The following SCN8A variants were observed in gnomAD, a reference collection of about 807,000 sequenced individuals.
SCN8A encodes sodium voltage-gated channel alpha subunit 8.
A neutral mutation model predicts 184.1 loss-of-function variants in SCN8A; 30 were observed. That is an observed-to-expected ratio of 0.16 (90% confidence interval 0.12 to 0.22). SCN8A has a LOEUF of 0.22. Ranked by LOEUF, SCN8A falls within the 10% of genes least tolerant of loss-of-function variation. The pLI is 1.00. For missense variants in SCN8A, 1,057 were observed against 2,498.9 expected, an observed-to-expected ratio of 0.42 and a Z score of 12.30; for synonymous variants, 852 against 907.0, an observed-to-expected ratio of 0.94 and a Z score of 1.09.
At chr12:51,796,205 T>C (rs1257452749) in intron 26 of SCN8A, among the ~76,000 whole-genome samples, 1 of 152,170 alleles carries the variant, frequency 6.6e-6, no homozygotes, top group Non-Finnish European at 1.5e-5. Flanking sequence ...TATAATCCTC[T>C]CAACAAACCT....
rs1164147352 is a variant in SCN8A, at chr12:51,707,692, A to G, written c.1635+977A>G. ...CTTCAGTCCAACCAAGTTGACATGC[A>G]GTATTAACTATCACATTGGATTATA... On this transcript the variant is annotated intron_variant, in intron 11 of 26. Transcript: ENST00000627620. 3.3e-5 allele frequency among the ~76,000 whole-genome samples: 5 copies of G among 152,220 alleles called. No homozygotes were observed. The East Asian group carries it at 9.6e-4, about 29-fold the overall frequency.
rs56704178 is a variant in SCN8A at position 51,631,248 on chromosome 12, C to T, written c.-54-31516C>T. 6.9e-3 allele frequency among the ~76,000 whole-genome samples: 1,053 copies of T among 152,280 alleles called. 12 individuals carry two copies. Among genetic ancestry groups the T allele is most frequent in the African/African-American group, 0.024 (982 of 41,566 alleles). ...ACAGGGGTCATTGCTCAGAGGCTGGCTTCCTCCCTGCTGGGAGCAGGTGGT... is the reference window on the plus strand; with the variant it reads ...ACAGGGGTCATTGCTCAGAGGCTGGTTTCCTCCCTGCTGGGAGCAGGTGGT... On this transcript the variant is annotated intron_variant, in intron 1 of 26. Coordinates refer to ENST00000627620, the MANE Select transcript of SCN8A (RefSeq NM_001330260.2).
intron 12 of SCN8A, among the ~76,000 whole-genome samples, chr12:51,739,337 G>C (rs1187545130): frequency 6.6e-6 from 1 of 152,064 alleles, no homozygotes; most frequent in Non-Finnish European, 1.5e-5. Context: ...GCCGTCACTC[G>C]AGGTGCCGCT....
intron 25 of SCN8A, among the ~76,000 whole-genome samples, chr12:51,793,272 G>A (rs564128249): frequency 2.0e-5 from 3 of 152,216 alleles, no homozygotes; most frequent in Admixed American, 6.5e-5. Flanking sequence ...ATCAGATGAG[G>A]GAGAAGAAAG....
intron 12 of SCN8A, among the ~76,000 whole-genome samples, chr12:51,725,640 G>A (rs770872583): frequency 6.6e-6 from 1 of 152,150 alleles, no homozygotes; most frequent in Non-Finnish European, 1.5e-5. Context: ...GATACCAAAA[G>A]GAACTTCCTG....
At chr12:51,676,137 G>T (rs1033326936) in intron 2 of SCN8A, among the ~76,000 whole-genome samples, 3 of 152,008 alleles carry the variant, frequency 2.0e-5, no homozygotes, top group African/African-American at 7.2e-5. Context: ...CACGCCTAGG[G>T]AAGAATTTTG....
Position 51,740,537 on chromosome 12 carries a change from T to G in SCN8A, c.1999-5366T>G, listed in dbSNP as rs78031052. On this transcript the variant is annotated intron_variant, in intron 12 of 26. Transcript: ENST00000627620. ...AAAATGCTGGATATTTCAAATTTTT[T>G]GAGTATTTTAAGACTTATTTGTGAC... Among the ~76,000 whole-genome samples the G allele has an allele frequency of 3.5e-3, 538 of 152,322 alleles. 2 individuals carry two copies. Among genetic ancestry groups the G allele is most frequent in the African/African-American group, 0.012 (508 of 41,570 alleles).
At chr12:51,699,842 C>A in intron 7 of SCN8A, 51 bp downstream of exon 7, 1 of 1,492,818 alleles carries the variant, frequency 6.7e-7, no homozygotes, top group Non-Finnish European at 9.2e-7. Context: ...ATTCCTAGTT[C>A]ACATGGTCAG....
chr12:51,786,323 T>A (rs1266466950), intron 21 of SCN8A, among the ~76,000 whole-genome samples: 1 of 152,210 alleles, frequency 6.6e-6, no homozygotes, highest in Non-Finnish European at 1.5e-5. Context: ...TTTGTGTTAG[T>A]CAAAATAAAG....
intron 12 of SCN8A, among the ~76,000 whole-genome samples, chr12:51,744,503 C>T (rs1415284509): frequency 4.6e-5 from 7 of 151,768 alleles, no homozygotes; most frequent in Admixed American, 1.3e-4. Context: ...CCAGGGAAAT[C>T]GGTTTTTTTT....
chr12:51,795,504 C>A (rs899584623), intron 26 of SCN8A, among the ~76,000 whole-genome samples: 2 of 152,204 alleles, frequency 1.3e-5, no homozygotes, highest in Non-Finnish European at 2.9e-5. Context: ...CTCCAGCGGC[C>A]ATGCTGGGCC....
chr12:51,789,268 T>C lies in SCN8A; in HGVS notation c.4282-13T>C. On this transcript the variant is annotated splice_polypyrimidine_tract_variant and intron_variant, in intron 23 of 26. Coordinates refer to ENST00000627620, the MANE Select transcript of SCN8A (RefSeq NM_001330260.2). ...GGAGCTGATTCTCTTCCTTTTATCC[T>C]GTCCTTTGACAGCCTGATGAGCAGC... The C allele has an allele frequency of 6.2e-7, 1 of 1,613,676 alleles. No homozygotes were observed. The highest frequency in any genetic ancestry group is 8.5e-7 in the Non-Finnish European group (1 of 1,179,714).
chr12:51,707,984 C>T (rs2138753221), intron 11 of SCN8A, among the ~76,000 whole-genome samples: 1 of 152,282 alleles, frequency 6.6e-6, no homozygotes. Context: ...GAACATTCTC[C>T]ATTCTAATCC....
At chr12:51,713,435 A>T in intron 11 of SCN8A, 1 of 789,748 alleles carries the variant, frequency 1.3e-6, no homozygotes. Flanking sequence ...AGTGTGCCCC[A>T]TTTCTCAAAA....
At chr12:51,710,024 T>C (rs910457920) in intron 11 of SCN8A, among the ~76,000 whole-genome samples, 6 of 151,968 alleles carry the variant, frequency 3.9e-5, no homozygotes, top group African/African-American at 1.5e-4. Flanking sequence ...AAAAAATGAA[T>C]TAATTTTTTG....
intron 12 of SCN8A, among the ~76,000 whole-genome samples, chr12:51,739,796 G>T (rs1333077276): frequency 1.3e-5 from 2 of 152,188 alleles, no homozygotes; most frequent in African/African-American, 4.8e-5. Flanking sequence ...CTAACCCAGT[G>T]GCGCTAGAGG....
At position 51,789,271 on chromosome 12, in the gene SCN8A, C is replaced by G. The variant is rs369145855; in HGVS notation, c.4282-10C>G. The G allele has an allele frequency of 1.7e-4, 269 of 1,613,586 alleles. No homozygotes were observed. The highest frequency in any genetic ancestry group is 2.2e-4 in the Non-Finnish European group (263 of 1,179,748). On this transcript the variant is annotated splice_polypyrimidine_tract_variant and intron_variant, in intron 23 of 26. Transcript: ENST00000627620. ...GCTGATTCTCTTCCTTTTATCCTGT[C>G]CTTTGACAGCCTGATGAGCAGCCTA...
chr12:51,655,654 A>T (rs1040401218), intron 1 of SCN8A, among the ~76,000 whole-genome samples: 2 of 152,206 alleles, frequency 1.3e-5, no homozygotes, highest in Non-Finnish European at 2.9e-5. Context: ...GATTACAGGC[A>T]TGAGTCACTG....
chr12:51,612,680 C>T (rs1039716828), intron 1 of SCN8A, among the ~76,000 whole-genome samples: 1 of 152,050 alleles, frequency 6.6e-6, no homozygotes, highest in Admixed American at 6.6e-5. Flanking sequence ...GGGGTAAATG[C>T]CACTTGGTGG....
Sources: allele counts gnomAD v4.1 joint callset (sites outside exome capture counted in the v4.1 genomes callset), GRCh38; gene constraint gnomAD v4.1.1; transcripts MANE v1.5; gene names NCBI Gene and HGNC (gene_info 2026-07-23, HGNC 2026-07-21).